DPYSL4: variants seen among roughly 807,000 people sequenced by gnomAD.
DPYSL4 encodes the protein dihydropyrimidinase-related protein 4.
In DPYSL4, 43 loss-of-function variants were observed where a neutral mutation model predicts 63.4. The observed-to-expected ratio is 0.68, with a 90% CI of 0.53 to 0.88. The LOEUF is 0.88. Ranked by LOEUF, DPYSL4 falls within the 40% of genes least tolerant of loss-of-function variation. The pLI, the probability that DPYSL4 is intolerant of heterozygous loss-of-function variation, is 0.00. For missense variants in DPYSL4, 733 were observed against 819.5 expected, an observed-to-expected ratio of 0.89 and a Z score of 1.29; for synonymous variants, 353 against 331.7, an observed-to-expected ratio of 1.06 and a Z score of -0.70.
At chr10:132,193,410 C>G (rs1018485833) in intron 3 of DPYSL4, among the ~76,000 whole-genome samples, 1 of 152,260 alleles carries the variant, frequency 6.6e-6, no homozygotes, top group Non-Finnish European at 1.5e-5. Context: ...CTCACATGCT[C>G]TCCTCCTAAA....
Position 132,187,014 on chromosome 10 carries a change from C to T in DPYSL4, c.-50C>T. The stretch of plus-strand genomic sequence containing the variant: ...ACGCGTCCCCCCGCCCGCCCGCCCG[C>T]CCGCCCGCCCCCGCTTGTGCCGCCC... On this transcript the variant is annotated 5_prime_UTR_variant, in exon 1 of 14. Transcript: ENST00000338492. 9.2e-6 allele frequency: 2 copies of T among 217,178 alleles called. No homozygotes were observed. The highest frequency in any genetic ancestry group is 8.6e-6 in the Non-Finnish European group (1 of 116,504). The allele number at this position is 217,178 out of a possible 1,614,324, so 13.5% of individuals were successfully genotyped here. A position where few individuals can be genotyped will look rare whatever the true frequency, so the allele number is the denominator to read the frequency against.
rs2061801452 is a variant in DPYSL4 at position 132,187,014 on chromosome 10, C to A, written c.-50C>A. 5 of 217,174 alleles carry A rather than the reference C, an allele frequency of 2.3e-5. No homozygotes were observed. The highest frequency in any genetic ancestry group is 4.3e-5 in the Non-Finnish European group (5 of 116,518). The allele number at this position is 217,174 out of a possible 1,614,324, so 13.5% of individuals were successfully genotyped here. On this transcript the variant is annotated 5_prime_UTR_variant, in exon 1 of 14. Transcript: ENST00000338492. Reference sequence around the variant, plus strand: ...ACGCGTCCCCCCGCCCGCCCGCCCGCCCGCCCGCCCCCGCTTGTGCCGCCC... The same window carrying A: ...ACGCGTCCCCCCGCCCGCCCGCCCGACCGCCCGCCCCCGCTTGTGCCGCCC...
chr10:132,200,662 G>A (rs956336997), intron 9 of DPYSL4, 150 bp downstream of exon 9: 69 of 1,373,410 alleles, frequency 5.0e-5, no homozygotes, highest in Non-Finnish European at 6.4e-5. Flanking sequence ...TGGTCCCAGC[G>A]GGGGCTCCCC....
At chr10:132,197,419 G>A (rs957743635) in intron 6 of DPYSL4, among the ~76,000 whole-genome samples, 5 of 152,334 alleles carry the variant, frequency 3.3e-5, no homozygotes, top group Non-Finnish European at 5.9e-5. Flanking sequence ...CGGGGTACCC[G>A]CTGGGGGTTG....
Position 132,204,928 on chromosome 10 carries a change from T to C in DPYSL4, c.1717T>C (p.Ter573GlnextTer233). Residue 573 changes from the stop codon to glutamine, a stop_lost, in exon 14 of 14, where the codon TAG (stop) becomes CAG (glutamine). Coordinates refer to ENST00000338492, the MANE Select transcript of DPYSL4 (RefSeq NM_006426.3). ...CCGCTCCAACATCACCTCTCTCTCC[T>C]AGACGCCCAGGACCGGCCCTGTGAG... ...GGRSNITSLS[*>Q] 6.2e-7 allele frequency: 1 copy of C among 1,608,304 alleles called. No individual in the cohort carries two copies. The highest frequency in any genetic ancestry group is 8.5e-7 in the Non-Finnish European group (1 of 1,176,898).
At chr10:132,199,002 G>C in intron 8 of DPYSL4, 31 bp downstream of exon 8, 1 of 1,219,882 alleles carries the variant, frequency 8.2e-7, no homozygotes, top group Non-Finnish European at 1.1e-6. Context: ...CTGATGCCGA[G>C]GGGCCATGGT....
intron 1 of DPYSL4, among the ~76,000 whole-genome samples, chr10:132,189,889 A>G (rs2061851486): frequency 6.6e-6 from 1 of 152,234 alleles, no homozygotes; most frequent in African/African-American, 2.4e-5. Flanking sequence ...AGGCCTACAT[A>G]TCCTGCCCCT....
intron 4 of DPYSL4, among the ~76,000 whole-genome samples, chr10:132,196,425 A>C (rs1337016243): frequency 6.6e-6 from 1 of 151,758 alleles, no homozygotes; most frequent in African/African-American, 2.4e-5. Flanking sequence ...AAGGCCCTGC[A>C]GGCAGGTGCT....
At chr10:132,195,495 C>T (rs940698748) in intron 4 of DPYSL4, among the ~76,000 whole-genome samples, 7 of 152,184 alleles carry the variant, frequency 4.6e-5, no homozygotes, top group Admixed American at 3.9e-4. Flanking sequence ...TGATTATAGC[C>T]GATCTCTCCT....
In DPYSL4 at chr10:132,203,847, C is replaced by T. The variant is rs747661090; in HGVS notation, c.1547C>T (p.Ala516Val). 8.1e-6 allele frequency: 13 copies of T among 1,612,912 alleles called. No homozygotes were observed. In the African/African-American group the frequency reaches 1.5e-4, roughly 18 times the overall value. The change falls in exon 13 of 14, where the codon GCT becomes GTT. Residue 516 changes from alanine to valine, a missense_variant. Transcript: ENST00000338492. ...GTGCCTGCCAAGCCAGGGAGTGGCG[C>T]TCCGGCCCGCGCGTCCTGCCCAGGC... ...VMVPAKPGSG[A>V]PARASCPGKI... is the part of the protein sequence containing the mutation.
chr10:132,202,243 C>A, intron 11 of DPYSL4, 127 bp downstream of exon 11: 1 of 1,245,692 alleles, frequency 8.0e-7, no homozygotes, highest in Admixed American at 2.5e-5. Context: ...ATCCCAGGGC[C>A]GTCCACACAG....
chr10:132,200,625 G>A (rs2062001211), intron 9 of DPYSL4, 113 bp downstream of exon 9: 2 of 1,442,790 alleles, frequency 1.4e-6, no homozygotes, highest in Admixed American at 2.2e-5. Context: ...AGCCCGGACA[G>A]TGGCGGGTGG....
Sources: gnomAD v4.1 joint callset for allele counts (sites outside exome capture counted in the v4.1 genomes callset) on GRCh38, gnomAD v4.1.1 for gene constraint, MANE v1.5 for transcripts, NCBI Gene and HGNC (gene_info 2026-07-23, HGNC 2026-07-21) for gene names.